Variants in DNAJB4 observed in about 807,000 individuals in gnomAD.
DNAJB4 encodes dnaJ homolog subfamily B member 4.
DNAJB4 carries 10 observed loss-of-function variants against 26.6 expected under a neutral mutation model. The observed-to-expected ratio is 0.38, with a 90% confidence interval of 0.23 to 0.64. DNAJB4 has a LOEUF of 0.64. DNAJB4 is among the 30% of genes least tolerant of loss of function. The probability of loss-of-function intolerance (pLI) is 0.58; values close to 1 mark genes in which losing one functional copy is unlikely to be tolerated. For synonymous variants in DNAJB4, 136 were observed against 134.8 expected, an observed-to-expected ratio of 1.01 and a Z score of -0.06; for missense variants, 328 against 408.2, an observed-to-expected ratio of 0.80 and a Z score of 1.69.
In DNAJB4 at chr1:78,017,305, G is replaced by A. The variant is rs1026255494; in HGVS notation, c.*1058G>A. 46 of 151,716 alleles carry A rather than the reference G, an allele frequency of 3.0e-4. No homozygotes were observed. Among genetic ancestry groups the A allele is most frequent in the Non-Finnish European group, 6.5e-4 (44 of 67,856 alleles). 9.4% of individuals were successfully genotyped at this position (151,716 alleles called of 1,614,324 possible). ...GTTTTAATTTTTTAAATATATTTAT[G>A]TTTTAAAAATTTAGTTTTGTTTTCT... On this transcript the variant is annotated 3_prime_UTR_variant, in exon 3 of 3. Transcript: ENST00000370763.
intron 1 of DNAJB4, among the ~76,000 whole-genome samples, chr1:77,984,900 T>C (rs2102586367): frequency 6.6e-6 from 1 of 152,318 alleles, no homozygotes; most frequent in East Asian, 1.9e-4. Context: ...CATTTTATAT[T>C]GGAGGAAACC....
At chr1:77,993,539 C>T (rs946842886) in intron 1 of DNAJB4, among the ~76,000 whole-genome samples, 2 of 152,152 alleles carry the variant, frequency 1.3e-5, no homozygotes, top group African/African-American at 4.8e-5. Context: ...TGGTCTCGAA[C>T]TCCTGACCTC....
chr1:78,012,958 A>C, intron 1 of DNAJB4, 93 bp from the exon 2 acceptor site: 4 of 1,165,706 alleles, frequency 3.4e-6, no homozygotes, highest in Non-Finnish European at 4.7e-6. Context: ...TTTTAATGTA[A>C]GTTAGCCAAA....
At chr1:77,983,665 T>A (rs1340028247) in intron 1 of DNAJB4, among the ~76,000 whole-genome samples, 5 of 152,224 alleles carry the variant, frequency 3.3e-5, no homozygotes, top group Admixed American at 1.3e-4. Context: ...CATTTAACTC[T>A]GAGTTGACAC....
chr1:77,989,050 A>C (rs762581517), intron 1 of DNAJB4, among the ~76,000 whole-genome samples: 1 of 152,116 alleles, frequency 6.6e-6, no homozygotes, highest in Non-Finnish European at 1.5e-5. Context: ...CAAACACCCT[A>C]CTTTACTCTG....
chr1:78,000,326 C>T (rs1203099944), upstream of DNAJB4, among the ~76,000 whole-genome samples: 1 of 152,110 alleles, frequency 6.6e-6, no homozygotes, highest in Non-Finnish European at 1.5e-5. Flanking sequence ...TGCATTTAAT[C>T]CTCACAACAA....
chr1:78,017,104 T>C lies in DNAJB4; in HGVS notation c.*857T>C, dbSNP rs892604956. On this transcript the variant is annotated 3_prime_UTR_variant, in exon 3 of 3. Transcript: ENST00000370763. ...AGTCTTCTATAACTTACTAATAATA[T>C]TCTATATGTACTTTATGTAATTTCC... 6.6e-6 allele frequency: 1 copy of C among 152,048 alleles called. No homozygotes were observed. The highest frequency in any genetic ancestry group is 1.5e-5 in the Non-Finnish European group (1 of 67,924). 9.4% of individuals were successfully genotyped at this position (152,048 alleles called of 1,614,324 possible).
chr1:77,993,450 A>T (rs1266076274), intron 1 of DNAJB4, among the ~76,000 whole-genome samples: 2 of 152,022 alleles, frequency 1.3e-5, no homozygotes, highest in African/African-American at 4.8e-5. Context: ...AGTAGCTGGG[A>T]CTACAAGTGT....
chr1:78,017,367 A>G lies in DNAJB4; in HGVS notation c.*1120A>G, dbSNP rs754151515. On this transcript the variant is annotated 3_prime_UTR_variant, in exon 3 of 3. Transcript: ENST00000370763. ...ATAGTGAGAATGATGTTTTGAAGCA[A>G]AATTTTTGGTTATAAAATAGTTTTC... The G allele has an allele frequency of 4.0e-5, 6 of 151,892 alleles. No homozygotes were observed. The highest frequency in any genetic ancestry group is 8.8e-5 in the Non-Finnish European group (6 of 67,884). 9.4% of individuals were successfully genotyped at this position (151,892 alleles called of 1,614,324 possible). A position where few individuals can be genotyped will look rare whatever the true frequency, so the allele number is the denominator to read the frequency against.
In DNAJB4 at chr1:77,982,038, A is replaced by C. The variant is rs533403544; in HGVS notation, c.-32+1716A>C. Among the ~76,000 whole-genome samples, 13 of 152,356 alleles carry C rather than the reference A, an allele frequency of 8.5e-5. No homozygotes were observed. In the South Asian group the frequency reaches 2.5e-3, roughly 29 times the overall value. ...CTTTAGGTAATAATGTTAGATTGAA[A>C]GTTTGGGACTCCTGAAAGCATCTGT... is the stretch of plus-strand genomic sequence containing the variant. On this transcript the variant is annotated intron_variant, in intron 1 of 2. Transcript: ENST00000426517.
chr1:77,995,140 A>C (rs926618083), intron 1 of DNAJB4, among the ~76,000 whole-genome samples: 1 of 152,266 alleles, frequency 6.6e-6, no homozygotes, highest in Non-Finnish European at 1.5e-5. Flanking sequence ...AGTACAAAAA[A>C]TAAAGAATGT....
upstream of DNAJB4, chr1:77,979,333 A>T: frequency 3.3e-6 from 1 of 298,566 alleles, no homozygotes; most frequent in Non-Finnish European, 6.4e-6. Flanking sequence ...GGTGGGTGAT[A>T]GTGGCCAGTT....
intron 1 of DNAJB4, among the ~76,000 whole-genome samples, chr1:77,998,567 C>T (rs1379681668): frequency 1.3e-5 from 2 of 152,100 alleles, no homozygotes; most frequent in East Asian, 1.9e-4. Context: ...CAGCTGAGTG[C>T]GGTGGCTCAG....
intron 1 of DNAJB4, among the ~76,000 whole-genome samples, chr1:78,012,146 TTTC>T (rs1423854687): frequency 2.5e-4 from 28 of 113,386 alleles, no homozygotes; most frequent in Non-Finnish European, 4.4e-4. Context: ...TTATTTTCTT[TTTC>T]TTTTCTTTTC....
At chr1:78,011,064 C>G (rs1277054046) in intron 1 of DNAJB4, among the ~76,000 whole-genome samples, 1 of 152,108 alleles carries the variant, frequency 6.6e-6, no homozygotes, top group African/African-American at 2.4e-5. Flanking sequence ...AGATTCTTTT[C>G]CTGCTTGTTT....
intron 1 of DNAJB4, among the ~76,000 whole-genome samples, chr1:77,997,278 G>C (rs534349950): frequency 2.3e-5 from 3 of 132,014 alleles, no homozygotes; most frequent in South Asian, 2.3e-4. Flanking sequence ...AGGAGTTTGA[G>C]ACCAGCCTGG....
intron 1 of DNAJB4, among the ~76,000 whole-genome samples, chr1:78,011,147 T>G (rs1241038295): frequency 6.6e-6 from 1 of 152,198 alleles, no homozygotes; most frequent in Admixed American, 6.5e-5. Flanking sequence ...ATTTCTTTCA[T>G]AGTGGAAAAT....
At chr1:78,014,244 A>C (rs907737108) in intron 2 of DNAJB4, among the ~76,000 whole-genome samples, 1 of 151,488 alleles carries the variant, frequency 6.6e-6, no homozygotes, top group Non-Finnish European at 1.5e-5. Flanking sequence ...AGTAGCTGGG[A>C]TTACAGGCGC....
At chr1:77,979,307 AT>A (rs1172013808), upstream of DNAJB4, 4 of 368,296 alleles carry the variant, frequency 1.1e-5, no homozygotes, top group Non-Finnish European at 1.5e-5. Context: ...AGGCTGGGTA[AT>A]TGTTCCTGCA....
Sources: allele counts gnomAD v4.1 joint callset (sites outside exome capture counted in the v4.1 genomes callset), GRCh38; gene constraint gnomAD v4.1.1; transcripts MANE v1.5; gene names NCBI Gene and HGNC (gene_info 2026-07-23, HGNC 2026-07-21).